Variants in SIL1 observed in about 807,000 individuals in gnomAD.
SIL1 encodes the protein SIL1 nucleotide exchange factor.
A neutral mutation model predicts 49.1 loss-of-function variants in SIL1; 40 were observed. The ratio of observed to expected loss-of-function variants is 0.81; its 90% CI spans 0.63 to 1.06. The LOEUF is 1.06. Among genes scored for constraint, SIL1 ranks in the 50% least tolerant of loss-of-function variants. The pLI is 0.00. For synonymous variants in SIL1, 253 were observed against 250.8 expected (o/e 1.01, Z -0.08); for missense variants, 500 against 572.6 (o/e 0.87, Z 1.29).
rs764011209 is a variant in SIL1, at chr5:139,021,258, C to A, written c.680G>T (p.Gly227Val). The change falls in exon 7 of 10, where the codon GGT (glycine) becomes GTT (valine). Residue 227 changes from glycine to valine, a missense_variant. Gly to Val is a moderately radical substitution (Grantham distance 109, BLOSUM62 -3). Coordinates refer to ENST00000394817, the MANE Select transcript of SIL1 (RefSeq NM_022464.5). ...DNAQDLLSFG[G>V]LQVVINGLNS... is the part of the protein sequence containing the mutation. ...CAGCCCATTGATCACCACTTGAAGA[C>A]CACCAAAGGAAAGCAGGTCCTGCGC... 2.5e-6 allele frequency: 4 copies of A among 1,614,154 alleles called. No homozygotes were observed. In the South Asian group the frequency reaches 3.3e-5, roughly 13 times the overall value.
intron 3 of SIL1, among the ~76,000 whole-genome samples, chr5:139,092,279 G>C (rs927890207): frequency 2.0e-5 from 3 of 152,234 alleles, no homozygotes; most frequent in African/African-American, 7.2e-5. Flanking sequence ...ACTTTAAACT[G>C]GATGACCTTG....
At chr5:139,114,156 T>C (rs1444803901) in intron 3 of SIL1, among the ~76,000 whole-genome samples, 1 of 152,186 alleles carries the variant, frequency 6.6e-6, no homozygotes, top group Non-Finnish European at 1.5e-5. Context: ...CATGCTTTGG[T>C]GTCAGAGCAG....
chr5:138,968,858 C>A (rs1040600310), intron 7 of SIL1, among the ~76,000 whole-genome samples: 5 of 152,172 alleles, frequency 3.3e-5, no homozygotes, highest in African/African-American at 1.2e-4. Flanking sequence ...GACCTCCCTC[C>A]CTTTCTGAGC....
At chr5:139,159,430 A>G (rs577381434) in intron 1 of SIL1, among the ~76,000 whole-genome samples, 25 of 152,380 alleles carry the variant, frequency 1.6e-4, no homozygotes, top group Admixed American at 1.4e-3. Flanking sequence ...AAATAAATTG[A>G]GAGAAAACGG....
intron 7 of SIL1, among the ~76,000 whole-genome samples, chr5:138,968,287 G>A (rs1326422477): frequency 6.6e-6 from 1 of 152,114 alleles, no homozygotes; most frequent in Admixed American, 6.5e-5. Flanking sequence ...TGGGGAATAT[G>A]CTTCAGAAGC....
chr5:139,110,145 G>A (rs1770811300), intron 3 of SIL1, among the ~76,000 whole-genome samples: 1 of 150,978 alleles, frequency 6.6e-6, no homozygotes, highest in Admixed American at 6.6e-5. Flanking sequence ...CTCCAGCCTG[G>A]GTGACAGAGC....
At chr5:139,182,609 G>T (rs892386059) in intron 1 of SIL1, among the ~76,000 whole-genome samples, 7 of 152,210 alleles carry the variant, frequency 4.6e-5, no homozygotes, top group African/African-American at 1.4e-4. Context: ...CCAGTACCTG[G>T]TGCCTTAATA....
intron 2 of SIL1, among the ~76,000 whole-genome samples, chr5:139,126,270 T>C (rs552460520): frequency 1.3e-5 from 2 of 152,330 alleles, no homozygotes; most frequent in East Asian, 3.9e-4. Flanking sequence ...AGTATTAACA[T>C]TTTTCTGAGA....
intron 3 of SIL1, among the ~76,000 whole-genome samples, chr5:139,051,654 T>G (rs1769288184): frequency 6.6e-6 from 1 of 151,964 alleles, no homozygotes; most frequent in Non-Finnish European, 1.5e-5. Flanking sequence ...CTTAACGTTA[T>G]GAAAAGGAAG....
chr5:139,058,667 C>A (rs1420153182), intron 3 of SIL1, among the ~76,000 whole-genome samples: 2 of 152,214 alleles, frequency 1.3e-5, no homozygotes, highest in East Asian at 1.9e-4. Context: ...ATCAGAAGTG[C>A]CTTCAGGTTG....
rs568147648 is a variant in SIL1 at position 138,950,557 on chromosome 5, G to A, written c.1029+614C>T. ...TCTGGGGAGCGTGTGGCCCGAGAGA[G>A]GCAACTGAGGAAGCCCTGCCAATGC... On this transcript the variant is annotated intron_variant, in intron 9 of 9. Transcript: ENST00000394817. 1.1e-4 allele frequency among the ~76,000 whole-genome samples: 16 copies of A among 152,370 alleles called. No homozygotes were observed. In the South Asian group the frequency reaches 3.3e-3, roughly 32 times the overall value.
intron 1 of SIL1, among the ~76,000 whole-genome samples, chr5:139,177,390 C>T (rs1751907337): frequency 2.0e-5 from 3 of 152,010 alleles, no homozygotes; most frequent in South Asian, 2.1e-4. Flanking sequence ...CAGGCACACA[C>T]CACCGTGCCT....
chr5:139,047,876 G>A (rs934430076), intron 4 of SIL1, among the ~76,000 whole-genome samples: 1 of 152,202 alleles, frequency 6.6e-6, no homozygotes, highest in African/African-American at 2.4e-5. Context: ...GGCCATTTCA[G>A]GCAGAGACTC....
intron 1 of SIL1, 143 bp from the exon 2 acceptor site, chr5:139,127,996 T>C (rs763886153): frequency 1.2e-5 from 8 of 678,980 alleles, no homozygotes; most frequent in Non-Finnish European, 2.2e-5. Flanking sequence ...CACTTCTAGA[T>C]AATTCTGAAG....
chr5:139,079,973 C>T (rs1261723599), intron 3 of SIL1, among the ~76,000 whole-genome samples: 3 of 152,158 alleles, frequency 2.0e-5, no homozygotes, highest in East Asian at 1.9e-4. Context: ...CCACAGCTAT[C>T]ATCTCTCAGC....
At chr5:139,029,513 T>A (rs980023640) in intron 5 of SIL1, among the ~76,000 whole-genome samples, 2 of 152,042 alleles carry the variant, frequency 1.3e-5, no homozygotes, top group Non-Finnish European at 2.9e-5. Flanking sequence ...ATGTCATAAT[T>A]TTTTTGGAGT....
chr5:138,954,443 C>T (rs957403031), intron 7 of SIL1, among the ~76,000 whole-genome samples: 1 of 152,256 alleles, frequency 6.6e-6, no homozygotes, highest in African/African-American at 2.4e-5. Flanking sequence ...CTGGGAACTC[C>T]AGGCCTTACC....
At chr5:138,955,567 G>A (rs547754862) in intron 7 of SIL1, among the ~76,000 whole-genome samples, 1 of 152,232 alleles carries the variant, frequency 6.6e-6, no homozygotes, top group Non-Finnish European at 1.5e-5. Context: ...GGGTGGAAGG[G>A]GACTGAAGGA....
At chr5:139,183,184 G>A (rs997549551) in intron 1 of SIL1, among the ~76,000 whole-genome samples, 3 of 152,138 alleles carry the variant, frequency 2.0e-5, no homozygotes, top group Non-Finnish European at 2.9e-5. Context: ...GTCAGGTCTG[G>A]GTAAGGAAAG....
Sources: gnomAD v4.1 joint callset for allele counts (sites outside exome capture counted in the v4.1 genomes callset) on GRCh38, gnomAD v4.1.1 for gene constraint, MANE v1.5 for transcripts, NCBI Gene and HGNC (gene_info 2026-07-23, HGNC 2026-07-21) for gene names.